The following EEA1 variants were observed in gnomAD, a reference collection of about 807,000 sequenced individuals.
The protein encoded by EEA1 is early endosome antigen 1, also known as early endosome antigen 1, 162kD.
Under a neutral mutation model 209.2 loss-of-function variants are expected in EEA1, and 111 were observed. That is an observed-to-expected ratio of 0.53 (90% CI 0.45 to 0.62). The LOEUF is 0.62. EEA1 is among the 20% of genes least tolerant of loss of function. EEA1 has a pLI of 0.00. For synonymous variants in EEA1, 536 were observed against 540.6 expected (o/e 0.99, Z 0.12); for missense variants, 1,343 against 1,530.8 (o/e 0.88, Z 2.05).
chr12:92,777,781 A>C, intron 26 of EEA1, 118 bp from the exon 27 acceptor site: 2 of 1,277,754 alleles, frequency 1.6e-6, no homozygotes, highest in Non-Finnish European at 2.1e-6. Context: ...AATTTTGACT[A>C]TCTGATTGTT....
At chr12:92,779,046 A>C (rs1164144662) in intron 25 of EEA1, 69 bp downstream of exon 25, 5 of 1,362,818 alleles carry the variant, frequency 3.7e-6, no homozygotes, top group Non-Finnish European at 5.0e-6. Flanking sequence ...TTATAAGTAG[A>C]ACAGTCCTCT....
intron 22 of EEA1, among the ~76,000 whole-genome samples, chr12:92,785,165 A>C (rs967648846): frequency 6.6e-6 from 1 of 152,032 alleles, no homozygotes; most frequent in Admixed American, 6.6e-5. Context: ...TCAGGGTGTA[A>C]ATTTTACAGT....
intron 2 of EEA1, among the ~76,000 whole-genome samples, chr12:92,875,259 G>A (rs113157427): frequency 0.019 from 2,821 of 151,962 alleles, 95 homozygotes; most frequent in African/African-American, 0.063. Flanking sequence ...AGACTATCCT[G>A]GCCAATGGTC....
At chr12:92,785,858 T>C (rs932512901) in intron 22 of EEA1, among the ~76,000 whole-genome samples, 3 of 152,164 alleles carry the variant, frequency 2.0e-5, no homozygotes, top group African/African-American at 4.8e-5. Flanking sequence ...CTTTCTCTTT[T>C]TGCCCATATT....
At chr12:92,783,406 T>C (rs1873992621) in intron 22 of EEA1, among the ~76,000 whole-genome samples, 1 of 151,644 alleles carries the variant, frequency 6.6e-6, no homozygotes, top group African/African-American at 2.4e-5. Context: ...TTTGAGAGAG[T>C]TTTTCCTGAA....
intron 2 of EEA1, among the ~76,000 whole-genome samples, chr12:92,891,365 C>T (rs1879648010): frequency 6.6e-6 from 1 of 152,042 alleles, no homozygotes; most frequent in Non-Finnish European, 1.5e-5. Flanking sequence ...TCTTTATAAA[C>T]AGACGTTTTA....
intron 1 of EEA1, among the ~76,000 whole-genome samples, chr12:92,910,376 G>A (rs1158032226): frequency 6.6e-6 from 1 of 151,406 alleles, no homozygotes; most frequent in African/African-American, 2.4e-5. Flanking sequence ...AGCTGAGGCA[G>A]GAGAATCGCT....
chr12:92,835,035 C>T (rs925728933), intron 10 of EEA1, among the ~76,000 whole-genome samples: 1 of 152,108 alleles, frequency 6.6e-6, no homozygotes, highest in Non-Finnish European at 1.5e-5. Flanking sequence ...CTCCCGCCAC[C>T]ATGCCCAGCT....
chr12:92,838,832 T>C (rs1237279364), intron 10 of EEA1, among the ~76,000 whole-genome samples: 1 of 152,138 alleles, frequency 6.6e-6, no homozygotes, highest in African/African-American at 2.4e-5. Context: ...ACATGGACCA[T>C]TTCTCCTCCA....
intron 3 of EEA1, 126 bp from the exon 4 acceptor site, chr12:92,857,611 G>A: frequency 1.8e-6 from 1 of 547,046 alleles, no homozygotes; most frequent in Non-Finnish European, 3.0e-6. Flanking sequence ...AAAAACTACG[G>A]AAGATTTTAT....
At chr12:92,837,127 A>G (rs1333346187) in intron 10 of EEA1, among the ~76,000 whole-genome samples, 1 of 43,414 alleles carries the variant, frequency 2.3e-5, no homozygotes, top group Non-Finnish European at 5.2e-5. Flanking sequence ...TCTCATTTAA[A>G]AAAAAAAAAA....
intron 3 of EEA1, among the ~76,000 whole-genome samples, chr12:92,861,529 C>G (rs1878151940): frequency 6.6e-6 from 1 of 152,156 alleles, no homozygotes. Context: ...TACAGATATA[C>G]TCAAACAAGT....
chr12:92,813,031 A>G lies in EEA1; in HGVS notation c.1992T>C (p.Asp664=). ...GAGCTGTGTCCAAATGATTCTGAAG[A>G]TCAGCTCTTTGAGCAGTTTTTGCTG... The part of the protein sequence containing the change: ...AEAAKTAQRA[D]LQNHLDTAQN... The change falls in exon 16 of 29, where the codon GAT becomes GAC. Residue 664 remains aspartate, a synonymous_variant. Coordinates refer to ENST00000322349, the MANE Select transcript of EEA1 (RefSeq NM_003566.4). The G allele has an allele frequency of 1.2e-6, 2 of 1,601,818 alleles. No homozygotes were observed. Among genetic ancestry groups the G allele is most frequent in the South Asian group, 1.1e-5 (1 of 89,482 alleles).
intron 21 of EEA1, among the ~76,000 whole-genome samples, chr12:92,798,647 G>A (rs1293345148): frequency 1.3e-5 from 2 of 151,990 alleles, no homozygotes; most frequent in Non-Finnish European, 2.9e-5. Context: ...ATAGTTTCAT[G>A]TCTATCAAAT....
chr12:92,781,942 T>C lies in EEA1; in HGVS notation c.3336+8A>G, dbSNP rs1284672504. 1.0e-5 allele frequency: 16 copies of C among 1,601,832 alleles called. No homozygotes were observed. Among genetic ancestry groups the C allele is most frequent in the Non-Finnish European group, 1.4e-5 (16 of 1,172,950 alleles). On this transcript the variant is annotated splice_region_variant and intron_variant, in intron 23 of 28. Coordinates refer to ENST00000322349, the MANE Select transcript of EEA1 (RefSeq NM_003566.4). ...AGATTGTAGATTTAGGTCAGAAACA[T>C]GCAATACCTTTTCTTTCTGAATGTC...
chr12:92,856,441 TAA>T (rs1468471986), intron 5 of EEA1, among the ~76,000 whole-genome samples: 1 of 152,186 alleles, frequency 6.6e-6, no homozygotes, highest in African/African-American at 2.4e-5. Flanking sequence ...TATTTTTATG[TAA>T]AGTCATACAG....
intron 28 of EEA1, 70 bp from the exon 29 acceptor site, chr12:92,776,203 A>ATG (rs1873652366): frequency 1.4e-6 from 2 of 1,442,138 alleles, no homozygotes; most frequent in Non-Finnish European, 1.9e-6. Context: ...AACTACATGA[A>ATG]TACCACCAAC....
rs948256564 is a variant in EEA1 at position 92,840,523 on chromosome 12, G to C, written c.915+1942C>G. Among the ~76,000 whole-genome samples, 3 of 152,280 alleles carry C rather than the reference G, an allele frequency of 2.0e-5. No homozygotes were observed. In the East Asian group the frequency reaches 5.8e-4, roughly 29 times the overall value. On this transcript the variant is annotated intron_variant, in intron 10 of 28. Transcript: ENST00000322349. ...AATGGGATTTCACCATGTTGGCCAG[G>C]CTGGTCTCAAACTCCTGACCTCAGG...
chr12:92,883,746 CG>C, intron 2 of EEA1: 1 of 1,284,222 alleles, frequency 7.8e-7, no homozygotes, highest in Non-Finnish European at 1.1e-6. Flanking sequence ...GAAGAAGCAT[CG>C]TTAAAGTCTC....
Sources: gnomAD v4.1 joint callset for allele counts (sites outside exome capture counted in the v4.1 genomes callset) on GRCh38, gnomAD v4.1.1 for gene constraint, MANE v1.5 for transcripts, NCBI Gene and HGNC (gene_info 2026-07-23, HGNC 2026-07-21) for gene names.